Variants in USP54 observed in about 807,000 individuals in gnomAD.
USP54 encodes the protein ubiquitin specific peptidase 54, also known as ubiquitin carboxyl-terminal hydrolase 54.
A neutral mutation model predicts 170.5 loss-of-function variants in USP54; 87 were observed. The ratio of observed to expected loss-of-function variants is 0.51; its 90% confidence interval spans 0.43 to 0.61. USP54 has a LOEUF of 0.61. Among genes scored for constraint, USP54 ranks in the 20% least tolerant of loss-of-function variants. The probability of loss-of-function intolerance (pLI) is 0.00; values close to 1 mark genes in which losing one functional copy is unlikely to be tolerated. For missense variants in USP54, 1,786 were observed against 2,047.8 expected, an observed-to-expected ratio of 0.87 and a Z score of 2.47; for synonymous variants, 655 against 742.8, an observed-to-expected ratio of 0.88 and a Z score of 1.92.
intron 12 of USP54, among the ~76,000 whole-genome samples, chr10:73,532,698 T>G (rs1165874341): frequency 6.6e-6 from 1 of 151,968 alleles, no homozygotes; most frequent in African/African-American, 2.4e-5. Context: ...CAACTACCAA[T>G]TTACAAGAAA....
intron 17 of USP54, among the ~76,000 whole-genome samples, chr10:73,522,945 G>A (rs1490978103): frequency 1.3e-5 from 2 of 152,112 alleles, no homozygotes; most frequent in Admixed American, 1.3e-4. Flanking sequence ...TCATTTTATA[G>A]GAAAAAAACT....
chr10:73,505,066 G>A, intron 21 of USP54, 76 bp from the exon 22 acceptor site: 1 of 1,593,042 alleles, frequency 6.3e-7, no homozygotes. Flanking sequence ...TATCCTCAGG[G>A]TATGGGAAAG....
Position 73,505,300 on chromosome 10 carries a change from G to T in USP54, c.4170+8C>A. On this transcript the variant is annotated splice_region_variant and intron_variant, in intron 21 of 23. Transcript: ENST00000687698. ...CAGGCCCAGCACCTTAGCACCTGAG[G>T]CTGCTACCTGAGAAGTACGCACTGT... The T allele has an allele frequency of 6.2e-7, 1 of 1,612,016 alleles. No homozygotes were observed.
Position 73,584,581 on chromosome 10 carries a change from G to A in USP54, c.-582+6697C>T, listed in dbSNP as rs567269801. On this transcript the variant is annotated intron_variant, in intron 1 of 23. Transcript: ENST00000687698. ...GAGAAGTTTAAAACTCAGCAACATCGGGGTAAGTAAATGTAAAATGATAGC... is the reference window on the plus strand; with the variant it reads ...GAGAAGTTTAAAACTCAGCAACATCAGGGTAAGTAAATGTAAAATGATAGC... Among the ~76,000 whole-genome samples the A allele has an allele frequency of 7.2e-5, 11 of 152,198 alleles. No homozygotes were observed. In the East Asian group the frequency reaches 7.7e-4, roughly 11 times the overall value.
At chr10:73,557,923 C>T (rs1223077540) in intron 4 of USP54, among the ~76,000 whole-genome samples, 1 of 124,346 alleles carries the variant, frequency 8.0e-6, no homozygotes, top group African/African-American at 3.1e-5. Context: ...TGCTCTGTTG[C>T]CCAGGCTGGA....
intron 4 of USP54, among the ~76,000 whole-genome samples, chr10:73,568,079 A>C (rs868605284): frequency 2.6e-5 from 4 of 151,810 alleles, no homozygotes; most frequent in Non-Finnish European, 2.9e-5. Context: ...ATGTCCCACT[A>C]ATTTTTTTTT....
intron 1 of USP54, chr10:73,606,483 ATGT>A (rs1417568435): frequency 3.9e-5 from 6 of 152,104 alleles, no homozygotes; most frequent in African/African-American, 1.4e-4. Flanking sequence ...TCAGTATAAG[ATGT>A]TGAGAGAGAA....
At chr10:73,592,239 T>C (rs1043821584), upstream of USP54, among the ~76,000 whole-genome samples, 1 of 152,118 alleles carries the variant, frequency 6.6e-6, no homozygotes, top group Admixed American at 6.6e-5. Flanking sequence ...AGTTGTTTTA[T>C]AAGCATACTG....
intron 4 of USP54, among the ~76,000 whole-genome samples, chr10:73,549,929 T>A (rs1371844803): frequency 6.6e-6 from 1 of 152,134 alleles, no homozygotes; most frequent in East Asian, 1.9e-4. Flanking sequence ...TCTCTTTGTT[T>A]TGTTTTGTTT....
intron 1 of USP54, among the ~76,000 whole-genome samples, chr10:73,613,127 A>G (rs1234807969): frequency 3.4e-5 from 5 of 145,082 alleles, no homozygotes; most frequent in Non-Finnish European, 6.0e-5. Context: ...ACTGCATTCC[A>G]GCCTCTTTTT....
chr10:73,543,979 G>A (rs2067195079), intron 5 of USP54, among the ~76,000 whole-genome samples: 1 of 145,622 alleles, frequency 6.9e-6, no homozygotes, highest in Non-Finnish European at 1.5e-5. Context: ...CTCTGTCTCT[G>A]TCGCCCAGGC....
intron 1 of USP54, among the ~76,000 whole-genome samples, chr10:73,613,281 G>A (rs929190943): frequency 2.0e-5 from 3 of 151,442 alleles, no homozygotes; most frequent in African/African-American, 7.3e-5. Flanking sequence ...ACAGGTGCAT[G>A]CCACCATGCC....
intron 1 of USP54, among the ~76,000 whole-genome samples, chr10:73,580,956 G>A (rs917493062): frequency 2.6e-5 from 4 of 152,206 alleles, no homozygotes; most frequent in African/African-American, 7.2e-5. Context: ...TAGTCTAGGT[G>A]TGTAGTAGGC....
intron 4 of USP54, among the ~76,000 whole-genome samples, chr10:73,558,730 T>C (rs942311908): frequency 6.6e-6 from 1 of 152,170 alleles, no homozygotes; most frequent in Non-Finnish European, 1.5e-5. Flanking sequence ...CAAGTCCTTA[T>C]AAAGCTGACT....
At chr10:73,543,232 G>A in intron 5 of USP54, 101 bp from the exon 6 acceptor site, 1 of 789,610 alleles carries the variant, frequency 1.3e-6, no homozygotes, top group Non-Finnish European at 2.1e-6. Context: ...CCTTCTGGAA[G>A]GTAGGAATAT....
intron 15 of USP54, among the ~76,000 whole-genome samples, chr10:73,527,437 G>A (rs2063094380): frequency 6.7e-6 from 1 of 148,742 alleles, no homozygotes. Context: ...GGCAGAGGTT[G>A]CAGTGAGCCG....
intron 20 of USP54, among the ~76,000 whole-genome samples, chr10:73,509,014 A>G (rs1056420256): frequency 7.5e-5 from 11 of 146,608 alleles, no homozygotes; most frequent in Non-Finnish European, 1.0e-4. Flanking sequence ...TATAATCAGC[A>G]AAATCTACAA....
intron 5 of USP54, among the ~76,000 whole-genome samples, chr10:73,543,875 C>T (rs1475983199): frequency 1.3e-5 from 2 of 152,128 alleles, no homozygotes; most frequent in African/African-American, 4.8e-5. Context: ...GTGGTAATCA[C>T]TAATGTCTTC....
upstream of USP54, among the ~76,000 whole-genome samples, chr10:73,594,390 T>C (rs2078549165): frequency 6.6e-6 from 1 of 151,284 alleles, no homozygotes; most frequent in Admixed American, 6.6e-5. Flanking sequence ...CTCTAGATTT[T>C]AGAATGTAGT....
Sources: gnomAD v4.1 joint callset for allele counts (sites outside exome capture counted in the v4.1 genomes callset) on GRCh38, gnomAD v4.1.1 for gene constraint, MANE v1.5 for transcripts, NCBI Gene and HGNC (gene_info 2026-07-23, HGNC 2026-07-21) for gene names.